CSMD1: variants seen among roughly 807,000 people sequenced by gnomAD.
The protein encoded by CSMD1 is CUB and Sushi multiple domains 1, also known as CUB and sushi domain-containing protein 1.
CSMD1 carries 213 observed loss-of-function variants against 417.5 expected under a neutral mutation model. The observed-to-expected ratio is 0.51, with a 90% CI of 0.46 to 0.57. The LOEUF (loss-of-function observed/expected upper bound fraction) is 0.57. Among genes scored for constraint, CSMD1 ranks in the 20% least tolerant of loss-of-function variants. The probability of loss-of-function intolerance (pLI) is 0.00; values close to 1 mark genes in which losing one functional copy is unlikely to be tolerated. For missense variants in CSMD1, 6,923 were observed against 4,529.7 expected, an observed-to-expected ratio of 1.53 and a Z score of -15.17; for synonymous variants, 2,862 against 1,736.8, an observed-to-expected ratio of 1.65 and a Z score of -16.11.
intron 65 of CSMD1, among the ~76,000 whole-genome samples, 175 bp from the exon 66 acceptor site, chr8:2,951,450 A>C (rs924063679): frequency 1.3e-5 from 2 of 152,212 alleles, no homozygotes; most frequent in Non-Finnish European, 2.9e-5. Context: ...ACTCAAAAGA[A>C]GCAGGTGCGA....
At chr8:4,597,135 C>G (rs1033977015) in intron 2 of CSMD1, among the ~76,000 whole-genome samples, 1 of 151,820 alleles carries the variant, frequency 6.6e-6, no homozygotes, top group Non-Finnish European at 1.5e-5. Context: ...GCATTTGCAG[C>G]TAACAAAAGC....
At chr8:4,742,276 C>T (rs1011649290) in intron 1 of CSMD1, among the ~76,000 whole-genome samples, 3 of 151,422 alleles carry the variant, frequency 2.0e-5, no homozygotes, top group African/African-American at 7.3e-5. Flanking sequence ...ATGATCCACC[C>T]GCCTCGGCCT....
At chr8:3,138,690 G>A (rs548392896) in intron 41 of CSMD1, among the ~76,000 whole-genome samples, 26 of 152,182 alleles carry the variant, frequency 1.7e-4, no homozygotes, top group Non-Finnish European at 2.8e-4. Context: ...ATTGCTACAC[G>A]TGCAAGAGCT....
At chr8:4,886,199 C>T (rs1018423082) in intron 1 of CSMD1, among the ~76,000 whole-genome samples, 2 of 151,972 alleles carry the variant, frequency 1.3e-5, no homozygotes, top group South Asian at 2.1e-4. Context: ...CCATGTTGGC[C>T]AGGCTGGTCT....
chr8:3,407,768 G>A (rs547041401), intron 14 of CSMD1, 131 bp downstream of exon 14: 2 of 810,104 alleles, frequency 2.5e-6, no homozygotes, highest in Non-Finnish European at 3.9e-6. Context: ...TTTTACTACT[G>A]TCATTTTCAT....
At chr8:4,184,659 A>T (rs186515184) in intron 3 of CSMD1, among the ~76,000 whole-genome samples, 2 of 152,322 alleles carry the variant, frequency 1.3e-5, no homozygotes, top group Admixed American at 1.3e-4. Flanking sequence ...AAAGGAAGAC[A>T]GATGGACACA....
intron 33 of CSMD1, among the ~76,000 whole-genome samples, chr8:3,193,074 A>G (rs1254995457): frequency 6.6e-6 from 1 of 152,176 alleles, no homozygotes; most frequent in Non-Finnish European, 1.5e-5. Flanking sequence ...GGTTGCACTT[A>G]TCTAAGAGGC....
Position 4,042,956 on chromosome 8 carries a change from C to A in CSMD1, c.416-10857G>T, listed in dbSNP as rs1004813785. ...GTCTGGCCAAGAGAGCAAAAACCCACCTCTACTAAATATGGGAAAAAAAAA... is the reference window on the plus strand; with the variant it reads ...GTCTGGCCAAGAGAGCAAAAACCCAACTCTACTAAATATGGGAAAAAAAAA... On this transcript the variant is annotated intron_variant, in intron 3 of 69. Transcript: ENST00000635120. 3.5e-4 allele frequency among the ~76,000 whole-genome samples: 53 copies of A among 151,152 alleles called. No homozygotes were observed. The Middle Eastern group carries it at 0.01, about 30-fold the overall frequency.
intron 5 of CSMD1, among the ~76,000 whole-genome samples, chr8:3,780,589 A>G (rs887508005): frequency 6.6e-6 from 1 of 152,216 alleles, no homozygotes; most frequent in African/African-American, 2.4e-5. Context: ...ACTAAAGTGC[A>G]TCTAATAATT....
At chr8:3,667,948 T>C (rs574562129) in intron 7 of CSMD1, among the ~76,000 whole-genome samples, 2 of 152,198 alleles carry the variant, frequency 1.3e-5, no homozygotes, top group South Asian at 2.1e-4. Flanking sequence ...CACCCACCCA[T>C]TTCCTCCCTG....
chr8:3,604,578 G>C (rs539774299), intron 8 of CSMD1, among the ~76,000 whole-genome samples: 1 of 152,164 alleles, frequency 6.6e-6, no homozygotes, highest in African/African-American at 2.4e-5. Context: ...ATAAGTATAT[G>C]AAATCTATAA....
At chr8:3,300,199 AT>A (rs1321468076) in intron 25 of CSMD1, among the ~76,000 whole-genome samples, 2 of 152,232 alleles carry the variant, frequency 1.3e-5, no homozygotes, top group African/African-American at 4.8e-5. Context: ...CTCAAAATAA[AT>A]GTTCAGAATA....
At chr8:4,590,774 C>T (rs1349536417) in intron 2 of CSMD1, among the ~76,000 whole-genome samples, 2 of 152,066 alleles carry the variant, frequency 1.3e-5, no homozygotes, top group East Asian at 3.9e-4. Context: ...ACACTAGTAA[C>T]TAAGATTTTG....
chr8:4,004,882 C>T (rs1368702458), intron 4 of CSMD1, among the ~76,000 whole-genome samples: 3 of 151,990 alleles, frequency 2.0e-5, no homozygotes, highest in East Asian at 1.9e-4. Flanking sequence ...GTAGCTGGGA[C>T]TACAGGCGCC....
chr8:4,247,676 A>G (rs1802795498), intron 3 of CSMD1, among the ~76,000 whole-genome samples: 1 of 152,174 alleles, frequency 6.6e-6, no homozygotes, highest in East Asian at 1.9e-4. Context: ...TAATTTTGTA[A>G]TGTATGAGCT....
chr8:4,328,518 T>C (rs190464664), intron 3 of CSMD1, among the ~76,000 whole-genome samples: 1 of 152,190 alleles, frequency 6.6e-6, no homozygotes. Flanking sequence ...TTTTTGGTAA[T>C]AAAGCATCTC....
At position 3,172,078 on chromosome 8, in the gene CSMD1, T is replaced by C. The variant is rs10108570; in HGVS notation, c.5725+9032A>G. On this transcript the variant is annotated intron_variant, in intron 37 of 69. Transcript: ENST00000635120. ...AATTCCCTTATGCAGTAAATCGAGC[T>C]CCTTGCCTGTCTCAGAACCATGTAA... 4.1e-3 allele frequency among the ~76,000 whole-genome samples: 630 copies of C among 152,298 alleles called. 7 individuals are homozygous for C. Among genetic ancestry groups the C allele is most frequent in the African/African-American group, 0.015 (610 of 41,566 alleles).
chr8:4,384,982 G>C (rs541134884), intron 3 of CSMD1, among the ~76,000 whole-genome samples: 3 of 152,088 alleles, frequency 2.0e-5, no homozygotes, highest in Admixed American at 2.0e-4. Flanking sequence ...GTGCAATGGC[G>C]CAATCTCGAT....
At chr8:4,844,199 T>C (rs763946422) in intron 1 of CSMD1, among the ~76,000 whole-genome samples, 2 of 152,176 alleles carry the variant, frequency 1.3e-5, no homozygotes, top group Non-Finnish European at 2.9e-5. Flanking sequence ...AAAAAAGTGT[T>C]AGTTGTAGGC....
Sources: allele counts gnomAD v4.1 joint callset (sites outside exome capture counted in the v4.1 genomes callset), GRCh38; gene constraint gnomAD v4.1.1; transcripts MANE v1.5; gene names NCBI Gene and HGNC (gene_info 2026-07-23, HGNC 2026-07-21).